MTUS2: variants seen among roughly 807,000 people sequenced by gnomAD.
MTUS2 encodes the protein microtubule-associated tumor suppressor candidate 2.
A neutral mutation model predicts 114.1 loss-of-function variants in MTUS2; 40 were observed. The observed-to-expected ratio is 0.35, with a 90% CI of 0.27 to 0.46. The LOEUF is 0.46. Among genes scored for constraint, MTUS2 ranks in the 20% least tolerant of loss-of-function variants. The probability of loss-of-function intolerance (pLI) is 1.00; values close to 1 mark genes in which losing one functional copy is unlikely to be tolerated. For synonymous variants in MTUS2, 688 were observed against 672.0 expected (o/e 1.02, Z -0.37); for missense variants, 1,679 against 1,705.4 (o/e 0.98, Z 0.27).
chr13:28,907,986 A>G (rs1338875708), intron 2 of MTUS2, among the ~76,000 whole-genome samples: 1 of 151,270 alleles, frequency 6.6e-6, no homozygotes, highest in Non-Finnish European at 1.5e-5. Context: ...GCTGCTTTCA[A>G]GATTTTTCTT....
chr13:28,986,863 A>C (rs534057293), intron 2 of MTUS2, among the ~76,000 whole-genome samples: 1 of 152,338 alleles, frequency 6.6e-6, no homozygotes, highest in East Asian at 1.9e-4. Context: ...CACAGTTGCC[A>C]CATTGCAAGT....
chr13:29,060,811 T>C (rs1420303915), intron 4 of MTUS2, among the ~76,000 whole-genome samples: 1 of 149,292 alleles, frequency 6.7e-6, no homozygotes, highest in Non-Finnish European at 1.5e-5. Context: ...ACTTTTTTTT[T>C]TTTTTTTGAG....
At chr13:29,095,012 T>G (rs1185369824) in intron 4 of MTUS2, among the ~76,000 whole-genome samples, 2 of 152,100 alleles carry the variant, frequency 1.3e-5, no homozygotes, top group Admixed American at 1.3e-4. Flanking sequence ...CATTCTGTTA[T>G]GACCACAGAA....
At chr13:29,087,453 A>G (rs1289001339) in intron 4 of MTUS2, among the ~76,000 whole-genome samples, 2 of 152,144 alleles carry the variant, frequency 1.3e-5, no homozygotes, top group African/African-American at 2.4e-5. Context: ...AATAAAGCCT[A>G]CTTGATTGTG....
At chr13:29,386,933 C>T (rs977081096) in intron 8 of MTUS2, among the ~76,000 whole-genome samples, 6 of 152,128 alleles carry the variant, frequency 3.9e-5, no homozygotes, top group African/African-American at 9.7e-5. Flanking sequence ...CCTCCAGCCT[C>T]GCTATTTGTG....
chr13:29,219,925 C>T (rs76305765), intron 5 of MTUS2, among the ~76,000 whole-genome samples: 6,954 of 152,000 alleles, frequency 0.046, 544 homozygotes, highest in African/African-American at 0.16. Context: ...TTTATGCAGA[C>T]CACTCAAATT....
chr13:29,401,713 A>G (rs959369171), intron 8 of MTUS2, among the ~76,000 whole-genome samples: 3 of 152,148 alleles, frequency 2.0e-5, no homozygotes, highest in Non-Finnish European at 4.4e-5. Flanking sequence ...CAGCTTGTTT[A>G]TATCTGTGCC....
intron 2 of MTUS2, among the ~76,000 whole-genome samples, chr13:28,864,401 A>G (rs531610296): frequency 6.6e-6 from 1 of 152,306 alleles, no homozygotes; most frequent in East Asian, 1.9e-4. Flanking sequence ...TAGTGTGGGA[A>G]TGTGTTGTGG....
chr13:28,859,953 T>A (rs1876867987), intron 2 of MTUS2, among the ~76,000 whole-genome samples: 1 of 152,202 alleles, frequency 6.6e-6, no homozygotes, highest in Admixed American at 6.5e-5. Context: ...TCCTGCCTAC[T>A]TTCATTGCAG....
intron 5 of MTUS2, among the ~76,000 whole-genome samples, chr13:29,211,887 A>G (rs1895457146): frequency 1.3e-5 from 2 of 151,892 alleles, no homozygotes; most frequent in Admixed American, 1.3e-4. Context: ...TAGTTCTTGG[A>G]GCCAAAGTTC....
chr13:29,092,549 G>A (rs1248958668), intron 4 of MTUS2, among the ~76,000 whole-genome samples: 1 of 152,160 alleles, frequency 6.6e-6, no homozygotes, highest in African/African-American at 2.4e-5. Flanking sequence ...CATCTTGGAT[G>A]TGGGACAAGA....
At chr13:29,269,848 C>T (rs577488116) in intron 5 of MTUS2, among the ~76,000 whole-genome samples, 92 of 152,206 alleles carry the variant, frequency 6.0e-4, no homozygotes, top group African/African-American at 2.1e-3. Context: ...GTGGTATCTA[C>T]GTAAAGCAGA....
intron 1 of MTUS2, among the ~76,000 whole-genome samples, chr13:28,830,195 A>T (rs1260569650): frequency 4.6e-5 from 7 of 152,212 alleles, no homozygotes. Context: ...TGCAGAGTGG[A>T]ATCTTATTTC....
intron 2 of MTUS2, among the ~76,000 whole-genome samples, chr13:28,892,144 A>T (rs1460390309): frequency 6.6e-6 from 1 of 152,066 alleles, no homozygotes; most frequent in African/African-American, 2.4e-5. Flanking sequence ...TTCACTCCAT[A>T]TTCCTGGACT....
intron 14 of MTUS2, among the ~76,000 whole-genome samples, chr13:29,499,594 C>T (rs576839648): frequency 4.6e-5 from 7 of 152,348 alleles, no homozygotes; most frequent in South Asian, 4.1e-4. Context: ...GTAGTATCTG[C>T]GTGCACATGT....
chr13:28,990,761 C>A (rs555452372), intron 2 of MTUS2, among the ~76,000 whole-genome samples: 40 of 152,210 alleles, frequency 2.6e-4, no homozygotes, highest in Non-Finnish European at 4.6e-4. Flanking sequence ...ACTTGGGTCC[C>A]CTTCCAGGCT....
chr13:29,055,174 A>G (rs1888076012), intron 4 of MTUS2, among the ~76,000 whole-genome samples: 2 of 152,222 alleles, frequency 1.3e-5, no homozygotes, highest in African/African-American at 2.4e-5. Flanking sequence ...ACACTATTTC[A>G]GTAATACCAA....
intron 5 of MTUS2, among the ~76,000 whole-genome samples, chr13:29,268,665 G>T (rs149201364): frequency 1.3e-5 from 2 of 151,722 alleles, no homozygotes; most frequent in African/African-American, 4.8e-5. Context: ...ACTCTGCTTT[G>T]TTTTTTTTCA....
chr13:29,004,087 G>C (rs568000987), intron 2 of MTUS2, among the ~76,000 whole-genome samples: 4 of 152,304 alleles, frequency 2.6e-5, no homozygotes, highest in African/African-American at 9.6e-5. Context: ...TTACCCAAAA[G>C]TAGGAAGTTG....
Sources: allele counts gnomAD v4.1 joint callset (sites outside exome capture counted in the v4.1 genomes callset), GRCh38; gene constraint gnomAD v4.1.1; transcripts MANE v1.5; gene names NCBI Gene and HGNC (gene_info 2026-07-23, HGNC 2026-07-21).